The following DPYD variants were observed in gnomAD, a reference collection of about 807,000 sequenced individuals.
DPYD encodes the protein dihydropyrimidine dehydrogenase.
In DPYD, 109 loss-of-function variants were observed where a neutral mutation model predicts 116.2. The ratio of observed to expected loss-of-function variants is 0.94; its 90% CI spans 0.80 to 1.10. DPYD has a LOEUF of 1.10. Ranked by LOEUF, DPYD falls within the 50% of genes least tolerant of loss-of-function variation. DPYD has a pLI of 0.00. For synonymous variants in DPYD, 440 were observed against 432.0 expected (o/e 1.02, Z -0.23); for missense variants, 1,302 against 1,254.5 (o/e 1.04, Z -0.57).
At chr1:97,325,951 A>G (rs28699374) in intron 16 of DPYD, among the ~76,000 whole-genome samples, 5 of 151,372 alleles carry the variant, frequency 3.3e-5, no homozygotes, top group African/African-American at 1.2e-4. Flanking sequence ...CCTTTAGGCA[A>G]TAAGAAAACA....
At chr1:97,089,314 C>A (rs1328518674) in intron 21 of DPYD, among the ~76,000 whole-genome samples, 3 of 152,190 alleles carry the variant, frequency 2.0e-5, no homozygotes, top group Non-Finnish European at 4.4e-5. Context: ...TTGGCAGACT[C>A]TCAAGTCTCT....
chr1:97,301,070 T>G (rs1403656468), intron 18 of DPYD, among the ~76,000 whole-genome samples: 1 of 152,096 alleles, frequency 6.6e-6, no homozygotes, highest in African/African-American at 2.4e-5. Context: ...ACAGCTAGAT[T>G]TCAAATCATT....
chr1:97,457,697 C>T (rs1376513513), intron 13 of DPYD, among the ~76,000 whole-genome samples: 1 of 152,142 alleles, frequency 6.6e-6, no homozygotes, highest in African/African-American at 2.4e-5. Context: ...TTAACTAGTT[C>T]ACGGCTAAAG....
intron 3 of DPYD, among the ~76,000 whole-genome samples, chr1:97,767,167 T>C (rs1010304989): frequency 1.3e-5 from 2 of 152,168 alleles, no homozygotes; most frequent in Non-Finnish European, 2.9e-5. Flanking sequence ...TCATGTAGTA[T>C]AGGAGACCCT....
chr1:97,539,191 G>A (rs371556513), intron 12 of DPYD, among the ~76,000 whole-genome samples: 3 of 151,952 alleles, frequency 2.0e-5, no homozygotes, highest in South Asian at 4.1e-4. Flanking sequence ...ACTATTCAAC[G>A]GCAATTATTC....
intron 16 of DPYD, among the ~76,000 whole-genome samples, chr1:97,337,396 A>C (rs1268109845): frequency 6.6e-6 from 1 of 152,126 alleles, no homozygotes; most frequent in African/African-American, 2.4e-5. Context: ...GACTCTATCA[A>C]ATACCTCGTG....
intron 16 of DPYD, among the ~76,000 whole-genome samples, chr1:97,365,973 C>T (rs1201757375): frequency 2.0e-5 from 3 of 152,110 alleles, no homozygotes. Context: ...GGTTGGGCTA[C>T]ACAAAAACAA....
chr1:97,821,103 G>A (rs1220362910), intron 3 of DPYD, among the ~76,000 whole-genome samples: 1 of 151,822 alleles, frequency 6.6e-6, no homozygotes, highest in Non-Finnish European at 1.5e-5. Context: ...GGCCGAGGAG[G>A]GCAGATCACC....
intron 12 of DPYD, among the ~76,000 whole-genome samples, chr1:97,528,120 C>A (rs185432922): frequency 6.6e-6 from 1 of 152,102 alleles, no homozygotes. Flanking sequence ...TCAGTTCCTT[C>A]GCTCTTTGAA....
intron 19 of DPYD, among the ~76,000 whole-genome samples, chr1:97,218,669 A>C (rs1302652042): frequency 6.6e-6 from 1 of 151,884 alleles, no homozygotes; most frequent in African/African-American, 2.4e-5. Context: ...CTACTCCATA[A>C]GCAATAAACT....
At chr1:97,758,306 C>A (rs780435002) in intron 3 of DPYD, among the ~76,000 whole-genome samples, 1 of 151,642 alleles carries the variant, frequency 6.6e-6, no homozygotes, top group South Asian at 2.1e-4. Context: ...CACACAAGGG[C>A]CATTACCCCA....
chr1:97,451,940 T>C (rs1676436684), intron 13 of DPYD, among the ~76,000 whole-genome samples: 1 of 152,146 alleles, frequency 6.6e-6, no homozygotes, highest in South Asian at 2.1e-4. Flanking sequence ...CTACACAGGA[T>C]TTCTTAGCCA....
At chr1:97,907,535 A>G (rs545693275) in intron 1 of DPYD, among the ~76,000 whole-genome samples, 1 of 152,242 alleles carries the variant, frequency 6.6e-6, no homozygotes, top group South Asian at 2.1e-4. Context: ...CTTTAATAGC[A>G]TATTTAGGAT....
At chr1:97,118,908 T>C (rs1338259337) in intron 20 of DPYD, among the ~76,000 whole-genome samples, 1 of 152,174 alleles carries the variant, frequency 6.6e-6, no homozygotes, top group African/African-American at 2.4e-5. Flanking sequence ...AATGAGTAAA[T>C]TACTGTGCCA....
At chr1:97,215,876 A>G (rs1660350252) in intron 19 of DPYD, among the ~76,000 whole-genome samples, 1 of 152,170 alleles carries the variant, frequency 6.6e-6, no homozygotes, top group South Asian at 2.1e-4. Flanking sequence ...ATTTAAAATA[A>G]TGACTACAGA....
intron 5 of DPYD, among the ~76,000 whole-genome samples, chr1:97,712,215 A>G (rs1662329065): frequency 6.6e-6 from 1 of 151,976 alleles, no homozygotes; most frequent in South Asian, 2.1e-4. Flanking sequence ...GAGTCTTAGA[A>G]GCTTCTGAAC....
At chr1:97,120,520 C>T (rs115855962) in intron 20 of DPYD, among the ~76,000 whole-genome samples, 2 of 152,266 alleles carry the variant, frequency 1.3e-5, no homozygotes, top group Non-Finnish European at 2.9e-5. Context: ...ATATAATGCA[C>T]AGCTGAGCTA....
rs182120625 is a variant in DPYD at position 97,712,957 on chromosome 1, T to C, written c.483+8553A>G. ...GGCACTTAAGTTTATCTTAGACCACTCCCCAGCAGAAGTTAGCAGAGAATA... is the reference window on the plus strand; with the variant it reads ...GGCACTTAAGTTTATCTTAGACCACCCCCCAGCAGAAGTTAGCAGAGAATA... On this transcript the variant is annotated intron_variant, in intron 5 of 22. Transcript: ENST00000370192. 4.5e-3 allele frequency among the ~76,000 whole-genome samples: 680 copies of C among 152,222 alleles called. 1 individual carries two copies. The highest frequency in any genetic ancestry group is 7.3e-3 in the Non-Finnish European group (496 of 68,002).
intron 8 of DPYD, among the ~76,000 whole-genome samples, chr1:97,632,735 T>A (rs1218548704): frequency 6.6e-6 from 1 of 152,132 alleles, no homozygotes; most frequent in Non-Finnish European, 1.5e-5. Flanking sequence ...AGGACCTCAG[T>A]TAAAACAATG....
Sources: gnomAD v4.1 joint callset for allele counts (sites outside exome capture counted in the v4.1 genomes callset) on GRCh38, gnomAD v4.1.1 for gene constraint, MANE v1.5 for transcripts, NCBI Gene and HGNC (gene_info 2026-07-23, HGNC 2026-07-21) for gene names.